The following SDC2 variants were observed in gnomAD, a reference collection of about 807,000 sequenced individuals.
The protein encoded by SDC2 is syndecan 2, also known as syndecan-2.
Under a neutral mutation model 22.2 loss-of-function variants are expected in SDC2, and 13 were observed. That is an observed-to-expected ratio of 0.59 (90% CI 0.38 to 0.93). The LOEUF (loss-of-function observed/expected upper bound fraction) is 0.93. SDC2 is among the 40% of genes least tolerant of loss of function. The pLI, the probability that SDC2 is intolerant of heterozygous loss-of-function variation, is 0.00. For missense variants in SDC2, 235 were observed against 246.8 expected (o/e 0.95, Z 0.32); for synonymous variants, 94 against 92.8 (o/e 1.01, Z -0.07).
At chr8:96,529,963 C>A (rs1813634718) in intron 1 of SDC2, among the ~76,000 whole-genome samples, 1 of 152,126 alleles carries the variant, frequency 6.6e-6, no homozygotes. Context: ...TTATTTACAT[C>A]TTTCTGGGAA....
chr8:96,502,620 A>G (rs560340522), intron 1 of SDC2, among the ~76,000 whole-genome samples: 1 of 152,230 alleles, frequency 6.6e-6, no homozygotes, highest in Admixed American at 6.5e-5. Flanking sequence ...CCCTCTCTAG[A>G]GCACTTGAGC....
At chr8:96,527,938 G>A (rs1190161268) in intron 1 of SDC2, among the ~76,000 whole-genome samples, 1 of 152,098 alleles carries the variant, frequency 6.6e-6, no homozygotes, top group East Asian at 1.9e-4. Context: ...GAAAAATGAA[G>A]CAGAAACTTC....
chr8:96,582,691 G>A (rs373967607), intron 1 of SDC2, among the ~76,000 whole-genome samples: 2 of 152,266 alleles, frequency 1.3e-5, no homozygotes, highest in Admixed American at 6.5e-5. Flanking sequence ...TAGATTGGAC[G>A]CAGAAAACCA....
chr8:96,524,110 A>G (rs1385734698), intron 1 of SDC2, among the ~76,000 whole-genome samples: 3 of 152,250 alleles, frequency 2.0e-5, no homozygotes, highest in South Asian at 2.1e-4. Flanking sequence ...TTGGGAAACT[A>G]TGTGTGGAAT....
chr8:96,532,307 G>A (rs1032469046), intron 1 of SDC2, among the ~76,000 whole-genome samples: 2 of 151,268 alleles, frequency 1.3e-5, no homozygotes, highest in South Asian at 4.2e-4. Context: ...TGCTTTGTCA[G>A]TCTCAGGTTT....
intron 1 of SDC2, among the ~76,000 whole-genome samples, chr8:96,567,859 C>T (rs1405042855): frequency 6.6e-6 from 1 of 152,198 alleles, no homozygotes; most frequent in Non-Finnish European, 1.5e-5. Context: ...GTGCCAGGCA[C>T]TCTTAGACAA....
At chr8:96,557,339 G>A (rs1042598173) in intron 1 of SDC2, among the ~76,000 whole-genome samples, 5 of 125,118 alleles carry the variant, frequency 4.0e-5, no homozygotes, top group Non-Finnish European at 7.3e-5. Context: ...TGTTTATTGC[G>A]GCATTATTCA....
intron 1 of SDC2, among the ~76,000 whole-genome samples, chr8:96,530,707 A>C (rs1813647573): frequency 6.6e-6 from 1 of 152,230 alleles, no homozygotes; most frequent in African/African-American, 2.4e-5. Context: ...TTAGGACCTT[A>C]CAGTGTACCT....
chr8:96,497,147 A>G (rs773743705), intron 1 of SDC2, among the ~76,000 whole-genome samples: 19 of 152,168 alleles, frequency 1.2e-4, no homozygotes, highest in Middle Eastern at 3.4e-3. Flanking sequence ...GAAACTGTCA[A>G]GTCATTTGGG....
At chr8:96,608,179 C>A (rs984307362) in intron 3 of SDC2, among the ~76,000 whole-genome samples, 156 bp from the exon 4 acceptor site, 1 of 152,178 alleles carries the variant, frequency 6.6e-6, no homozygotes, top group African/African-American at 2.4e-5. Context: ...ATGACACTCA[C>A]CCATTGCTAT....
intron 1 of SDC2, among the ~76,000 whole-genome samples, chr8:96,531,191 TC>T (rs1813655640): frequency 6.6e-6 from 1 of 152,220 alleles, no homozygotes. Flanking sequence ...AGTAGATTGT[TC>T]AAGGTTACAC....
intron 1 of SDC2, among the ~76,000 whole-genome samples, chr8:96,553,287 ATATT>A (rs1377796248): frequency 2.0e-5 from 3 of 152,310 alleles, no homozygotes; most frequent in Non-Finnish European, 4.4e-5. Flanking sequence ...TATAAAATAT[ATATT>A]CTAATTATGC....
At chr8:96,498,661 T>G (rs1441989339) in intron 1 of SDC2, among the ~76,000 whole-genome samples, 1 of 151,976 alleles carries the variant, frequency 6.6e-6, no homozygotes, top group African/African-American at 2.4e-5. Flanking sequence ...TGGCTAAATT[T>G]TGTATTTTTA....
At chr8:96,533,639 CCTT>C (rs1170890625) in intron 1 of SDC2, among the ~76,000 whole-genome samples, 3 of 150,974 alleles carry the variant, frequency 2.0e-5, no homozygotes, top group Non-Finnish European at 2.9e-5. Flanking sequence ...CATTTACAAA[CCTT>C]GAGCTAGACA....
intron 1 of SDC2, among the ~76,000 whole-genome samples, chr8:96,531,278 A>G (rs986505750): frequency 7.9e-5 from 12 of 152,208 alleles, no homozygotes; most frequent in African/African-American, 2.9e-4. Flanking sequence ...TCTCTTTTAC[A>G]TTGCATGCCT....
chr8:96,591,493 G>A (rs535033609), intron 1 of SDC2, among the ~76,000 whole-genome samples: 1 of 152,260 alleles, frequency 6.6e-6, no homozygotes, highest in South Asian at 2.1e-4. Flanking sequence ...CATGCATTTT[G>A]AGAGGGACAG....
At chr8:96,590,010 A>C (rs1814751945) in intron 1 of SDC2, among the ~76,000 whole-genome samples, 1 of 152,196 alleles carries the variant, frequency 6.6e-6, no homozygotes, top group East Asian at 1.9e-4. Flanking sequence ...CTCCTCTGGG[A>C]ATTTCATCTA....
chr8:96,596,773 G>A (rs889682985), intron 2 of SDC2, among the ~76,000 whole-genome samples: 1 of 152,162 alleles, frequency 6.6e-6, no homozygotes, highest in African/African-American at 2.4e-5. Flanking sequence ...AAGGACAAAC[G>A]AAACAGTAAA....
In SDC2 at chr8:96,601,915, C is replaced by T. The variant is rs549392822; in HGVS notation, c.173-480C>T. Among the ~76,000 whole-genome samples the T allele has an allele frequency of 7.7e-4, 116 of 150,592 alleles. 1 individual carries two copies. In the South Asian group the frequency reaches 0.021, roughly 27 times the overall value. On this transcript the variant is annotated intron_variant, in intron 2 of 4. Transcript: ENST00000302190. The stretch of plus-strand genomic sequence containing the variant: ...CTGGGATTACAGGCGTGCGCCGCCA[C>T]GCCCAGCTAAATTTTTGAATTTTTA...
Sources: allele counts gnomAD v4.1 joint callset (sites outside exome capture counted in the v4.1 genomes callset), GRCh38; gene constraint gnomAD v4.1.1; transcripts MANE v1.5; gene names NCBI Gene and HGNC (gene_info 2026-07-23, HGNC 2026-07-21).